Variants in IGSF21 observed in about 807,000 individuals in gnomAD.
IGSF21 encodes the protein immunoglobulin superfamily member 21.
IGSF21 carries 28 observed loss-of-function variants against 46.8 expected under a neutral mutation model. That is an observed-to-expected ratio of 0.60 (90% CI 0.44 to 0.82). The LOEUF is 0.82. Ranked by LOEUF, IGSF21 falls within the 40% of genes least tolerant of loss-of-function variation. The pLI is 0.00. For synonymous variants in IGSF21, 284 were observed against 273.6 expected, an observed-to-expected ratio of 1.04 and a Z score of -0.38; for missense variants, 624 against 665.5, an observed-to-expected ratio of 0.94 and a Z score of 0.69.
Position 18,377,130 on chromosome 1 carries a change from C to G in IGSF21, c.1294+138C>G, listed in dbSNP as rs2086291339. The G allele has an allele frequency of 5.5e-6, 5 of 910,270 alleles. No homozygotes were observed. In the South Asian group the frequency reaches 8.6e-5, roughly 16 times the overall value. 56.4% of individuals were successfully genotyped at this position (910,270 alleles called of 1,614,324 possible). A position where few individuals can be genotyped will look rare whatever the true frequency, so the allele number is the denominator to read the frequency against. On this transcript the variant is annotated intron_variant, in intron 8 of 9. Coordinates refer to ENST00000251296, the MANE Select transcript of IGSF21 (RefSeq NM_032880.5). ...CCCAAATTTGCCCTGAGAGGGTGCC[C>G]CACTGGGAGGCAGGGTCGCTCAGTG...
intron 1 of IGSF21, among the ~76,000 whole-genome samples, chr1:18,213,739 G>A (rs541679870): frequency 1.3e-5 from 2 of 152,184 alleles, no homozygotes; most frequent in Non-Finnish European, 2.9e-5. Flanking sequence ...TTGAGCTCGG[G>A]TGAAGGAGTC....
At chr1:18,224,811 T>C (rs962696162) in intron 1 of IGSF21, among the ~76,000 whole-genome samples, 1 of 152,070 alleles carries the variant, frequency 6.6e-6, no homozygotes, top group African/African-American at 2.4e-5. Flanking sequence ...ATGCCTGTAA[T>C]TCTAGCACTT....
At chr1:18,269,784 C>T (rs1050014285) in intron 2 of IGSF21, among the ~76,000 whole-genome samples, 4 of 152,162 alleles carry the variant, frequency 2.6e-5, no homozygotes, top group African/African-American at 9.7e-5. Flanking sequence ...TCTTTCCCCG[C>T]AGGGCCCCTT....
chr1:18,226,003 G>A lies in IGSF21; in HGVS notation c.71-1895G>A, dbSNP rs556745296. The stretch of plus-strand genomic sequence containing the variant: ...GTTCCTCTCTCCTAGGAGTGTCCTG[G>A]TGATTAAGTGAGTAGATGCATATCA... On this transcript the variant is annotated intron_variant, in intron 1 of 9. Transcript: ENST00000251296. Among the ~76,000 whole-genome samples the A allele has an allele frequency of 3.0e-3, 460 of 152,320 alleles. 2 individuals carry two copies. The highest frequency in any genetic ancestry group is 4.6e-3 in the Admixed American group (70 of 15,300).
chr1:18,377,078 G>C lies in IGSF21; in HGVS notation c.1294+86G>C, dbSNP rs963173029. 2.8e-6 allele frequency: 4 copies of C among 1,432,782 alleles called. No homozygotes were observed. In the African/African-American group the frequency reaches 5.7e-5, roughly 21 times the overall value. The allele number at this position is 1,432,782 out of a possible 1,614,324, so 88.8% of individuals were successfully genotyped here. ...GTTTCCCCAGGAGGAAGAAGCAGTAGGGGCCCAAAATTTTGGGCCTAAATC... is the reference window on the plus strand; with the variant it reads ...GTTTCCCCAGGAGGAAGAAGCAGTACGGGCCCAAAATTTTGGGCCTAAATC... On this transcript the variant is annotated intron_variant, in intron 8 of 9. Coordinates refer to ENST00000251296, the MANE Select transcript of IGSF21 (RefSeq NM_032880.5).
intron 4 of IGSF21, among the ~76,000 whole-genome samples, chr1:18,356,685 G>A (rs2086021948): frequency 6.6e-6 from 1 of 152,222 alleles, no homozygotes; most frequent in Non-Finnish European, 1.5e-5. Flanking sequence ...TTTGACCTTG[G>A]CCAGAGACTG....
intron 1 of IGSF21, among the ~76,000 whole-genome samples, chr1:18,193,461 G>C (rs1034442656): frequency 1.3e-5 from 2 of 152,218 alleles, no homozygotes; most frequent in Non-Finnish European, 2.9e-5. Context: ...ACAATTGGCT[G>C]TCTGCAGGCT....
At chr1:18,299,700 T>C (rs543960062) in intron 3 of IGSF21, among the ~76,000 whole-genome samples, 150 of 152,160 alleles carry the variant, frequency 9.9e-4, no homozygotes, top group Non-Finnish European at 1.7e-3. Flanking sequence ...TGGAAACCCG[T>C]TCCTCTCTCT....
In IGSF21 at chr1:18,171,678, A is replaced by G. The variant is rs547658999; in HGVS notation, c.71-56220A>G. On this transcript the variant is annotated intron_variant, in intron 1 of 9. Coordinates refer to ENST00000251296, the MANE Select transcript of IGSF21 (RefSeq NM_032880.5). ...TGCTTATCACAAGCACTTAATAAAC[A>G]AAAGCCTTCATTCTTATTTCTGGCA... Among the ~76,000 whole-genome samples the G allele has an allele frequency of 2.6e-5, 4 of 152,362 alleles. No individual in the cohort carries two copies. The East Asian group carries it at 7.7e-4, about 29-fold the overall frequency.
chr1:18,305,761 C>CCATT (rs1166040245), intron 3 of IGSF21, among the ~76,000 whole-genome samples: 1 of 152,180 alleles, frequency 6.6e-6, no homozygotes, highest in Non-Finnish European at 1.5e-5. Context: ...AAAATATGTA[C>CCATT]CATTGCCTCT....
intron 1 of IGSF21, among the ~76,000 whole-genome samples, chr1:18,149,170 T>TC (rs149248475): frequency 0.053 from 8,114 of 152,206 alleles, 286 homozygotes; most frequent in East Asian, 0.082. Flanking sequence ...AGCCCCTCTG[T>TC]CCAGCCTGGC....
At chr1:18,170,428 A>G (rs977049207) in intron 1 of IGSF21, among the ~76,000 whole-genome samples, 6 of 151,942 alleles carry the variant, frequency 3.9e-5, no homozygotes, top group Non-Finnish European at 8.8e-5. Context: ...TGGATAATAC[A>G]TTAATATACA....
chr1:18,233,882 G>C (rs1489781472), intron 2 of IGSF21, among the ~76,000 whole-genome samples: 1 of 152,150 alleles, frequency 6.6e-6, no homozygotes, highest in African/African-American at 2.4e-5. Flanking sequence ...CCCTGAAACA[G>C]GGAGCTATTT....
At chr1:18,342,475 T>C (rs2124613412) in intron 4 of IGSF21, among the ~76,000 whole-genome samples, 1 of 152,294 alleles carries the variant, frequency 6.6e-6, no homozygotes, top group African/African-American at 2.4e-5. Flanking sequence ...TAAAAAACAG[T>C]GGTTTTACCA....
intron 3 of IGSF21, among the ~76,000 whole-genome samples, chr1:18,309,867 G>A (rs1264708155): frequency 1.3e-5 from 2 of 152,160 alleles, no homozygotes; most frequent in East Asian, 1.9e-4. Flanking sequence ...GAGACAGTTT[G>A]GACTGAGTCT....
rs564254455 is a variant in IGSF21, at chr1:18,284,190, T to C, written c.184-7676T>C. 5.9e-5 allele frequency among the ~76,000 whole-genome samples: 9 copies of C among 152,318 alleles called. No individual in the cohort carries two copies. The East Asian group carries it at 1.7e-3, about 29-fold the overall frequency. On this transcript the variant is annotated intron_variant, in intron 2 of 9. Transcript: ENST00000251296. ...CTCAAGCTCTAGCCTGAGGTTGACT[T>C]GGTCTAGTGCCATCTTTGTGCCCAG...
chr1:18,377,298 G>A, intron 8 of IGSF21, 95 bp from the exon 9 acceptor site: 1 of 1,111,928 alleles, frequency 9.0e-7, no homozygotes. Context: ...CAGTGCGTGT[G>A]ATACCTCACA....
Position 18,322,479 on chromosome 1 carries a change from T to C in IGSF21, c.306-12413T>C, listed in dbSNP as rs2085612915. Among the ~76,000 whole-genome samples, 1 of 151,912 alleles carries C rather than the reference T, an allele frequency of 6.6e-6. No homozygotes were observed. The highest frequency in any genetic ancestry group is 6.6e-5 in the Admixed American group (1 of 15,260). Reference sequence around the variant, plus strand: ...CAGAGATTCCTGTTAAATAAAGCAATCACGAACGATAGGAAGGAGGCGGCG... The same window carrying C: ...CAGAGATTCCTGTTAAATAAAGCAACCACGAACGATAGGAAGGAGGCGGCG... On this transcript the variant is annotated intron_variant, in intron 3 of 9. Coordinates refer to ENST00000251296, the MANE Select transcript of IGSF21 (RefSeq NM_032880.5). This position sits in a 1 kb window ranked among gnomAD's most constrained non-coding sequence, Gnocchi z 4.3.
chr1:18,361,026 G>C (rs567434871), intron 4 of IGSF21, among the ~76,000 whole-genome samples: 1 of 152,236 alleles, frequency 6.6e-6, no homozygotes, highest in South Asian at 2.1e-4. Context: ...AGTGGGTGAG[G>C]AGAGAAGAGA....
Sources: gnomAD v4.1 joint callset for allele counts (sites outside exome capture counted in the v4.1 genomes callset) on GRCh38, gnomAD v4.1.1 for gene constraint, Gnocchi (gnomAD v3.1) non-coding constraint, MANE v1.5 for transcripts, NCBI Gene and HGNC (gene_info 2026-07-23, HGNC 2026-07-21) for gene names.